Variants in MCU observed in about 807,000 individuals in gnomAD.
The protein encoded by MCU is calcium uniporter protein, mitochondrial.
In MCU, 12 loss-of-function variants were observed where a neutral mutation model predicts 45.2. The ratio of observed to expected loss-of-function variants is 0.27; its 90% CI spans 0.17 to 0.43. MCU has a LOEUF of 0.43. Ranked by LOEUF, MCU falls within the 20% of genes least tolerant of loss-of-function variation. The pLI is 1.00. For synonymous variants in MCU, 160 were observed against 165.1 expected, an observed-to-expected ratio of 0.97 and a Z score of 0.24; for missense variants, 324 against 436.7, an observed-to-expected ratio of 0.74 and a Z score of 2.30.
At chr10:72,841,240 A>G (rs1478474669) in intron 2 of MCU, among the ~76,000 whole-genome samples, 3 of 152,156 alleles carry the variant, frequency 2.0e-5, no homozygotes, top group South Asian at 2.1e-4. Context: ...GGCTGTTAAT[A>G]TTAATGGCTA....
In MCU at chr10:72,738,065, G is replaced by A. The variant is rs562095986; in HGVS notation, c.150+45764G>A. Among the ~76,000 whole-genome samples, 9 of 152,244 alleles carry A rather than the reference G, an allele frequency of 5.9e-5. No homozygotes were observed. In the South Asian group the frequency reaches 8.3e-4, roughly 14 times the overall value. ...ATGTAGCTGGATAAATATTTTAAAC[G>A]AATGAGAAAACCTAGACTGGACACT... On this transcript the variant is annotated intron_variant, in intron 1 of 7. Transcript: ENST00000373053.
intron 3 of MCU, 113 bp downstream of exon 3, chr10:72,859,460 T>G: frequency 2.0e-5 from 19 of 930,628 alleles, no homozygotes; most frequent in Non-Finnish European, 2.7e-5. Flanking sequence ...TACTGTTAAC[T>G]TCAGAAAACT....
chr10:72,804,856 C>T (rs532662657), intron 1 of MCU, among the ~76,000 whole-genome samples: 1 of 152,348 alleles, frequency 6.6e-6, no homozygotes, highest in South Asian at 2.1e-4. Context: ...ACTGCAGCCT[C>T]AATCTCCCAG....
chr10:72,769,289 T>C (rs914833435), intron 1 of MCU, among the ~76,000 whole-genome samples: 8 of 152,192 alleles, frequency 5.3e-5, no homozygotes, highest in Non-Finnish European at 7.4e-5. Flanking sequence ...CCATGAAGAA[T>C]AAAACCGAGT....
At chr10:72,853,558 G>A (rs188647533) in intron 2 of MCU, among the ~76,000 whole-genome samples, 24 of 152,300 alleles carry the variant, frequency 1.6e-4, no homozygotes, top group African/African-American at 5.8e-4. Context: ...AATCCCAGAA[G>A]GGTAGCAGAC....
intron 1 of MCU, among the ~76,000 whole-genome samples, chr10:72,769,702 C>T (rs1443084468): frequency 6.6e-6 from 1 of 152,136 alleles, no homozygotes; most frequent in East Asian, 1.9e-4. Context: ...ACAGCCTTTA[C>T]CACAATCAAG....
At position 72,845,024 on chromosome 10, in the gene MCU, G is replaced by A. The variant is rs537544416; in HGVS notation, c.220+10596G>A. On this transcript the variant is annotated intron_variant, in intron 2 of 7. Transcript: ENST00000373053. ...GATAAATTTGGAATAGGAAAACAAGGGGGCATGTGGTACCTAAGCACATAT... is the reference window on the plus strand; with the variant it reads ...GATAAATTTGGAATAGGAAAACAAGAGGGCATGTGGTACCTAAGCACATAT... Among the ~76,000 whole-genome samples, 6 of 152,158 alleles carry A rather than the reference G, an allele frequency of 3.9e-5. 1 individual carries two copies. The South Asian group carries it at 1.2e-3, about 32-fold the overall frequency.
At chr10:72,695,712 C>CT (rs201032987) in intron 1 of MCU, among the ~76,000 whole-genome samples, 496 of 138,530 alleles carry the variant, frequency 3.6e-3, no homozygotes, top group Admixed American at 3.1e-3. Context: ...AATTCCTTTA[C>CT]TTTTTTTTTT....
chr10:72,715,279 T>C (rs1318578994), intron 1 of MCU: 9 of 516,812 alleles, frequency 1.7e-5, no homozygotes, highest in Non-Finnish European at 2.2e-5. Context: ...TGCAAAGCCA[T>C]GTAGAGGAGC....
chr10:72,745,339 G>A lies in MCU; in HGVS notation c.150+53038G>A, dbSNP rs569147473. 1.8e-4 allele frequency among the ~76,000 whole-genome samples: 27 copies of A among 152,030 alleles called. 1 individual carries two copies. Among genetic ancestry groups the A allele is most frequent in the Middle Eastern group, 3.4e-3 (1 of 294 alleles). Reference sequence around the variant, plus strand: ...TGCTTCCCAGGTTCAAGCTATTATCGTGGCTCAGCCTCCTGAGTAGCTGGC... The same window carrying A: ...TGCTTCCCAGGTTCAAGCTATTATCATGGCTCAGCCTCCTGAGTAGCTGGC... On this transcript the variant is annotated intron_variant, in intron 1 of 7. Coordinates refer to ENST00000373053, the MANE Select transcript of MCU (RefSeq NM_138357.3).
intron 1 of MCU, among the ~76,000 whole-genome samples, chr10:72,718,528 T>A (rs887158851): frequency 5.9e-5 from 9 of 152,246 alleles, no homozygotes; most frequent in Non-Finnish European, 1.0e-4. Flanking sequence ...TATTAATCAT[T>A]CATATTTCCC....
In MCU at chr10:72,734,394, A is replaced by G. The variant is rs116795896; in HGVS notation, c.150+42093A>G. On this transcript the variant is annotated intron_variant, in intron 1 of 7. Coordinates refer to ENST00000373053, the MANE Select transcript of MCU (RefSeq NM_138357.3). Reference sequence around the variant, plus strand: ...ATTGGATTATTTTTGTGTTGAAATAATATTTCCTATATATTGTGTTAAGTA... The same window carrying G: ...ATTGGATTATTTTTGTGTTGAAATAGTATTTCCTATATATTGTGTTAAGTA... 4.1e-3 allele frequency among the ~76,000 whole-genome samples: 622 copies of G among 152,294 alleles called. 3 individuals carry two copies. The highest frequency in any genetic ancestry group is 0.014 in the African/African-American group (595 of 41,576).
chr10:72,715,045 C>G (rs773252933), intron 1 of MCU: 36 of 305,202 alleles, frequency 1.2e-4, no homozygotes, highest in Non-Finnish European at 4.3e-5. Context: ...GCTGAGGTAC[C>G]CACATTAGCA....
intron 1 of MCU, among the ~76,000 whole-genome samples, chr10:72,732,720 A>G (rs1190019452): frequency 6.6e-6 from 1 of 152,246 alleles, no homozygotes; most frequent in African/African-American, 2.4e-5. Flanking sequence ...AAGATTTTGT[A>G]CATAACATTT....
At chr10:72,822,918 G>A (rs1302279247) in intron 1 of MCU, among the ~76,000 whole-genome samples, 1 of 152,118 alleles carries the variant, frequency 6.6e-6, no homozygotes, top group Non-Finnish European at 1.5e-5. Flanking sequence ...TAAATGTAAT[G>A]TAAAATATTG....
At chr10:72,858,578 A>G (rs1845328916) in intron 2 of MCU, among the ~76,000 whole-genome samples, 1 of 152,134 alleles carries the variant, frequency 6.6e-6, no homozygotes, top group Non-Finnish European at 1.5e-5. Flanking sequence ...CTGACCTCCC[A>G]TCCTGTCATG....
chr10:72,803,689 A>G (rs1844375552), intron 1 of MCU, among the ~76,000 whole-genome samples: 1 of 151,988 alleles, frequency 6.6e-6, no homozygotes, highest in African/African-American at 2.4e-5. Flanking sequence ...AGTTACCAAC[A>G]CATAGCCTAT....
intron 1 of MCU, among the ~76,000 whole-genome samples, chr10:72,799,579 CCT>C (rs1844306950): frequency 6.6e-6 from 1 of 151,950 alleles, no homozygotes; most frequent in Non-Finnish European, 1.5e-5. Context: ...TCCTCAGCCT[CCT>C]GAGTAGCAGG....
At chr10:72,704,877 T>C (rs1842800768) in intron 1 of MCU, among the ~76,000 whole-genome samples, 1 of 151,928 alleles carries the variant, frequency 6.6e-6, no homozygotes, top group Non-Finnish European at 1.5e-5. Flanking sequence ...TGTGCCACCA[T>C]GCCCAGCTAA....
Sources: gnomAD v4.1 joint callset for allele counts (sites outside exome capture counted in the v4.1 genomes callset) on GRCh38, gnomAD v4.1.1 for gene constraint, MANE v1.5 for transcripts, NCBI Gene and HGNC (gene_info 2026-07-23, HGNC 2026-07-21) for gene names.